NEURL1: variants seen among roughly 807,000 people sequenced by gnomAD.
NEURL1 encodes the protein neuralized E3 ubiquitin protein ligase 1.
In NEURL1, 26 loss-of-function variants were observed where a neutral mutation model predicts 41.2. The ratio of observed to expected loss-of-function variants is 0.63; its 90% confidence interval spans 0.46 to 0.87. NEURL1 has a LOEUF of 0.87. Ranked by LOEUF, NEURL1 falls within the 40% of genes least tolerant of loss-of-function variation. The pLI is 0.00. For missense variants in NEURL1, 761 were observed against 871.1 expected, an observed-to-expected ratio of 0.87 and a Z score of 1.59; for synonymous variants, 400 against 402.3, an observed-to-expected ratio of 0.99 and a Z score of 0.07.
At chr10:103,585,702 T>C (rs961329987) in intron 4 of NEURL1, among the ~76,000 whole-genome samples, 6 of 151,726 alleles carry the variant, frequency 4.0e-5, no homozygotes, top group East Asian at 3.9e-4. Flanking sequence ...GGCATGGTGG[T>C]GGGCGCCTGT....
intron 1 of NEURL1, among the ~76,000 whole-genome samples, chr10:103,510,035 C>T (rs1339128896): frequency 6.6e-6 from 1 of 152,042 alleles, no homozygotes; most frequent in East Asian, 1.9e-4. Flanking sequence ...GTCTTGTACC[C>T]TGGGAGGAAG....
intron 1 of NEURL1, among the ~76,000 whole-genome samples, chr10:103,535,931 C>A (rs1214949987): frequency 6.6e-6 from 1 of 152,160 alleles, no homozygotes; most frequent in Admixed American, 6.5e-5. Flanking sequence ...AGCAGAGTAG[C>A]CATGTGGGCA....
chr10:103,496,418 T>C (rs1176223938), intron 1 of NEURL1, among the ~76,000 whole-genome samples: 2 of 152,184 alleles, frequency 1.3e-5, no homozygotes, highest in African/African-American at 2.4e-5. Flanking sequence ...TAAAAAGTGG[T>C]GTGAATGCAA....
chr10:103,551,850 A>G (rs2035038599), intron 1 of NEURL1, among the ~76,000 whole-genome samples: 2 of 152,140 alleles, frequency 1.3e-5, no homozygotes, highest in African/African-American at 2.4e-5. Context: ...CCTGGGGGCC[A>G]CTCGGGCCAC....
rs770945683 is a variant in NEURL1 at position 103,590,184 on chromosome 10, G to C, written c.1537G>C (p.Gly513Arg). The change falls in exon 6 of 6, where the codon GGT becomes CGT. Residue 513 changes from glycine (G) to arginine (R), a missense_variant. Around this residue, in one of 5 missense-constraint regions of NEURL1, gnomAD observed 443 missense variants for 408.1 expected, o/e 1.09. Transcript: ENST00000369780. ...CCTGCCCGAGTCGCCAGTGACCCCA[G>C]GTCTGGGCCAGTGGAGCGATGAGTG... ...VSLPESPVTP[G>R]LGQWSDECTI... 1.9e-5 allele frequency: 31 copies of C among 1,614,104 alleles called. No individual in the cohort carries two copies. Among genetic ancestry groups the C allele is most frequent in the African/African-American group, 4.0e-5 (3 of 74,934 alleles).
chr10:103,553,539 C>T (rs559611678), intron 1 of NEURL1, among the ~76,000 whole-genome samples: 26 of 152,250 alleles, frequency 1.7e-4, no homozygotes, highest in African/African-American at 5.3e-4. Context: ...GAGCATCGGC[C>T]GACTGGGCTT....
intron 1 of NEURL1, among the ~76,000 whole-genome samples, chr10:103,523,807 T>C (rs2034406014): frequency 6.6e-6 from 1 of 152,252 alleles, no homozygotes; most frequent in South Asian, 2.1e-4. Flanking sequence ...AGTATTCCAT[T>C]GTGTATATAT....
chr10:103,534,119 G>A (rs2133860818), intron 1 of NEURL1, among the ~76,000 whole-genome samples: 1 of 147,602 alleles, frequency 6.8e-6, no homozygotes. Flanking sequence ...CTATCTCTTT[G>A]TTGAATTTGT....
chr10:103,576,245 A>G (rs1310491830), intron 3 of NEURL1, among the ~76,000 whole-genome samples: 1 of 152,184 alleles, frequency 6.6e-6, no homozygotes, highest in East Asian at 1.9e-4. Context: ...CCTGTAGGAG[A>G]CAAGTTTTAA....
intron 1 of NEURL1, among the ~76,000 whole-genome samples, chr10:103,509,774 G>A (rs2034028936): frequency 6.6e-6 from 1 of 152,228 alleles, no homozygotes; most frequent in South Asian, 2.1e-4. Context: ...CCTGAGGCAT[G>A]AGGTGGTATT....
chr10:103,504,239 C>T (rs1283503785), intron 1 of NEURL1, among the ~76,000 whole-genome samples: 3 of 152,104 alleles, frequency 2.0e-5, no homozygotes, highest in Non-Finnish European at 4.4e-5. Context: ...GATCTGCCCT[C>T]CTCGGCCTCC....
In NEURL1 at chr10:103,494,051, C is replaced by G. The variant is rs1390140852; in HGVS notation, c.-337C>G. The G allele has an allele frequency of 4.6e-6, 1 of 217,684 alleles. No individual in the cohort carries two copies. Among genetic ancestry groups the G allele is most frequent in the Non-Finnish European group, 9.0e-6 (1 of 111,670 alleles). 13.5% of individuals were successfully genotyped at this position (217,684 alleles called of 1,614,324 possible). A position where few individuals can be genotyped will look rare whatever the true frequency, so the allele number is the denominator to read the frequency against. On this transcript the variant is annotated 5_prime_UTR_variant, in exon 1 of 6. Coordinates refer to ENST00000369780, the MANE Select transcript of NEURL1 (RefSeq NM_004210.5). ...GCCGGAGCCGCCGCGCCGCCCACCC[C>G]CAGCCGGAACCCTAGCGTCCCGGGG...
rs918149725 is a variant in NEURL1 at position 103,566,292 on chromosome 10, C to G, written c.86-4580C>G. ...TTATCTGTACAACGAGATGAGGTCT[C>G]ACGGTGTTGTCCAGGCTAAGATATG... is the stretch of plus-strand genomic sequence containing the variant. On this transcript the variant is annotated intron_variant, in intron 1 of 5. Coordinates refer to ENST00000369780, the MANE Select transcript of NEURL1 (RefSeq NM_004210.5). This position sits in a 1 kb window ranked among gnomAD's most constrained non-coding sequence, Gnocchi z 4.2. Among the ~76,000 whole-genome samples, 1 of 152,064 alleles carries G rather than the reference C, an allele frequency of 6.6e-6. No individual in the cohort carries two copies. The highest frequency in any genetic ancestry group is 1.5e-5 in the Non-Finnish European group (1 of 68,034).
chr10:103,547,316 G>T (rs2034942772), intron 1 of NEURL1, among the ~76,000 whole-genome samples: 1 of 152,242 alleles, frequency 6.6e-6, no homozygotes, highest in African/African-American at 2.4e-5. Context: ...GCTGCCAGTG[G>T]CCATACTGGG....
intron 1 of NEURL1, among the ~76,000 whole-genome samples, chr10:103,507,851 A>C (rs2033983875): frequency 1.3e-5 from 2 of 152,140 alleles, no homozygotes; most frequent in African/African-American, 4.8e-5. Context: ...GCCCTGCCCC[A>C]GCCAGGCTCT....
chr10:103,558,140 A>T lies in NEURL1; in HGVS notation c.86-12732A>T. On this transcript the variant is annotated intron_variant, in intron 1 of 5. Coordinates refer to ENST00000369780, the MANE Select transcript of NEURL1 (RefSeq NM_004210.5). The surrounding 1 kb of genome is among the most constrained non-coding windows in gnomAD (Gnocchi z 4.2). The stretch of plus-strand genomic sequence containing the variant: ...TGATCCACCTGTGTCGGCCTCCCAA[A>T]GTGCTGGGTTTACAGGTGTGAGCCA... 4.1e-6 allele frequency: 4 copies of T among 977,378 alleles called. No homozygotes were observed. Among genetic ancestry groups the T allele is most frequent in the Non-Finnish European group, 3.6e-6 (3 of 822,670 alleles). 60.5% of individuals were successfully genotyped at this position (977,378 alleles called of 1,614,324 possible). A position where few individuals can be genotyped will look rare whatever the true frequency, so the allele number is the denominator to read the frequency against.
In NEURL1 at chr10:103,579,772, T is replaced by C. The variant is rs1426037907; in HGVS notation, c.650-4764T>C. 2.0e-5 allele frequency among the ~76,000 whole-genome samples: 3 copies of C among 151,940 alleles called. No homozygotes were observed. In the East Asian group the frequency reaches 5.8e-4, roughly 29 times the overall value. On this transcript the variant is annotated intron_variant, in intron 3 of 5. Transcript: ENST00000369780. ...GCCTGGGAAACCTAGTGAAACCCTG[T>C]CTCTACAAAAAATACAAAAATTAGC...
intron 1 of NEURL1, among the ~76,000 whole-genome samples, chr10:103,513,082 A>G (rs972076414): frequency 6.6e-6 from 1 of 151,060 alleles, no homozygotes; most frequent in African/African-American, 2.4e-5. Context: ...CCAGGCCACC[A>G]TGGCCACCAT....
intron 1 of NEURL1, among the ~76,000 whole-genome samples, chr10:103,503,165 G>A (rs549333881): frequency 6.6e-6 from 1 of 152,378 alleles, no homozygotes; most frequent in South Asian, 2.1e-4. Flanking sequence ...CAGACCAGAG[G>A]CGCTAATGGG....
Sources: allele counts gnomAD v4.1 joint callset (sites outside exome capture counted in the v4.1 genomes callset), GRCh38; gene constraint gnomAD v4.1.1; regional missense constraint gnomAD v4.1.1; non-coding constraint Gnocchi (gnomAD v3.1); transcripts MANE v1.5; gene names NCBI Gene and HGNC (gene_info 2026-07-23, HGNC 2026-07-21).